The following CLSPN variants were observed in gnomAD, a reference collection of about 807,000 sequenced individuals.
The protein encoded by CLSPN is claspin homolog.
A neutral mutation model predicts 156.3 loss-of-function variants in CLSPN; 85 were observed. The observed-to-expected ratio is 0.54, with a 90% CI of 0.46 to 0.65. The LOEUF is 0.65. CLSPN is among the 30% of genes least tolerant of loss of function. The pLI is 0.00. For synonymous variants in CLSPN, 534 were observed against 542.4 expected, an observed-to-expected ratio of 0.98 and a Z score of 0.22; for missense variants, 1,407 against 1,554.9, an observed-to-expected ratio of 0.90 and a Z score of 1.60.
chr1:35,765,180 C>A (rs201885250), intron 2 of CLSPN, 38 bp downstream of exon 2: 2 of 1,317,532 alleles, frequency 1.5e-6, no homozygotes, highest in Admixed American at 1.7e-5. Context: ...CTGAGGCTCC[C>A]GCAACCTATT....
At chr1:35,766,391 G>A (rs549941616) in intron 1 of CLSPN, among the ~76,000 whole-genome samples, 44 of 151,764 alleles carry the variant, frequency 2.9e-4, no homozygotes, top group African/African-American at 9.7e-4. Context: ...ATGTGTGTAC[G>A]TATGTATATT....
Position 35,769,935 on chromosome 1 carries a change from A to G in CLSPN, c.-65T>C. ...TCTCTGATTCCCTCAGCCGGAGAGC[A>G]GCGGCTCCCGCCGTCTCCAGCCCAG... On this transcript the variant is annotated 5_prime_UTR_variant, in exon 1 of 25. Coordinates refer to ENST00000318121, the MANE Select transcript of CLSPN (RefSeq NM_022111.4). 1.3e-6 allele frequency: 2 copies of G among 1,579,346 alleles called. No individual in the cohort carries two copies. Among genetic ancestry groups the G allele is most frequent in the Non-Finnish European group, 1.7e-6 (2 of 1,156,900 alleles).
At position 35,769,900 on chromosome 1, in the gene CLSPN, G is replaced by A; in HGVS notation, c.-30C>T. On this transcript the variant is annotated 5_prime_UTR_variant, in exon 1 of 25. Coordinates refer to ENST00000318121, the MANE Select transcript of CLSPN (RefSeq NM_022111.4). ...TCTGCCTCCCCTGCGCTCCACTAGG[G>A]ACGGAGCTGTCTCTGATTCCCTCAG... The A allele has an allele frequency of 6.2e-7, 1 of 1,608,024 alleles. No individual in the cohort carries two copies. The highest frequency in any genetic ancestry group is 1.1e-5 in the South Asian group (1 of 90,274).
At chr1:35,758,318 A>G (rs141213159) in intron 8 of CLSPN, among the ~76,000 whole-genome samples, 356 of 152,156 alleles carry the variant, frequency 2.3e-3, no homozygotes, top group African/African-American at 8.3e-3. Flanking sequence ...TGCTAGAATT[A>G]CAGGCATAAG....
At chr1:35,738,274 A>G (rs1021475791) in intron 21 of CLSPN, among the ~76,000 whole-genome samples, 177 bp from the exon 22 acceptor site, 16 of 152,154 alleles carry the variant, frequency 1.1e-4, no homozygotes, top group African/African-American at 3.9e-4. Flanking sequence ...TTAGACAAAC[A>G]TGAAGAGAAC....
chr1:35,747,298 G>A (rs1171948739), intron 14 of CLSPN, among the ~76,000 whole-genome samples: 1 of 151,772 alleles, frequency 6.6e-6, no homozygotes, highest in Non-Finnish European at 1.5e-5. Context: ...CTCCAGCCTG[G>A]GCGACAGAGC....
Position 35,762,413 on chromosome 1 carries a change from G to T in CLSPN, c.813C>A (p.Thr271=). 1 of 1,613,460 alleles carries T rather than the reference G, an allele frequency of 6.2e-7. No homozygotes were observed. Among genetic ancestry groups the T allele is most frequent in the South Asian group, 1.1e-5 (1 of 91,068 alleles). ...CAGGGCTCTACCTCACCTTCCTCGTGGTTCCTTTTGATAACTCACTTCCTT... is the reference window on the plus strand; with the variant it reads ...CAGGGCTCTACCTCACCTTCCTCGTTGTTCCTTTTGATAACTCACTTCCTT... ...FEEGSELSKG[T]TRKERKAARL... is the part of the protein sequence containing the mutation. The change falls in exon 5 of 25, where the codon ACC becomes ACA. Residue 271 remains threonine (T), a synonymous_variant. Coordinates refer to ENST00000318121, the MANE Select transcript of CLSPN (RefSeq NM_022111.4).
At chr1:35,759,913 A>G (rs987794142) in intron 8 of CLSPN, among the ~76,000 whole-genome samples, 4 of 146,832 alleles carry the variant, frequency 2.7e-5, no homozygotes, top group African/African-American at 1.0e-4. Context: ...GGCTCACTGC[A>G]ACCTCTGCCT....
At chr1:35,722,024 A>G (rs1641083477) in intron 24 of CLSPN, among the ~76,000 whole-genome samples, 1 of 151,716 alleles carries the variant, frequency 6.6e-6, no homozygotes, top group African/African-American at 2.4e-5. Context: ...CTGTAATCCC[A>G]GCTATTCAGG....
intron 14 of CLSPN, among the ~76,000 whole-genome samples, chr1:35,747,334 A>T (rs1035849550): frequency 1.3e-4 from 20 of 151,800 alleles, no homozygotes; most frequent in African/African-American, 2.9e-4. Flanking sequence ...AAAAAAAAAT[A>T]AAAAAAAATT....
chr1:35,725,609 C>T (rs1181070602), intron 24 of CLSPN, among the ~76,000 whole-genome samples: 13 of 152,160 alleles, frequency 8.5e-5, no homozygotes, highest in Non-Finnish European at 4.4e-5. Flanking sequence ...CTTTCAAGGC[C>T]TGACAGTTCC....
Position 35,762,084 on chromosome 1 carries a change from A to T in CLSPN, c.823-14T>A, listed in dbSNP as rs1173120130. 1 of 1,559,256 alleles carries T rather than the reference A, an allele frequency of 6.4e-7. No homozygotes were observed. Among genetic ancestry groups the T allele is most frequent in the Non-Finnish European group, 8.8e-7 (1 of 1,130,984 alleles). ...TGCCTTTCTTTCCTTAAAGAAAACAAGAAGTGAGACTACATTAATTATATG... is the reference window on the plus strand; with the variant it reads ...TGCCTTTCTTTCCTTAAAGAAAACATGAAGTGAGACTACATTAATTATATG... On this transcript the variant is annotated splice_polypyrimidine_tract_variant and intron_variant, in intron 5 of 24. Coordinates refer to ENST00000318121, the MANE Select transcript of CLSPN (RefSeq NM_022111.4).
Position 35,749,766 on chromosome 1 carries a change from C to T in CLSPN, c.2074G>A (p.Glu692Lys). The T allele has an allele frequency of 6.2e-7, 1 of 1,613,936 alleles. No homozygotes were observed. Among genetic ancestry groups the T allele is most frequent in the Non-Finnish European group, 8.5e-7 (1 of 1,179,898 alleles). Residue 692 changes from glutamate to lysine, a missense_variant, in exon 11 of 25, where the codon GAA becomes AAA. Transcript: ENST00000318121. ...LSSEEIETKD[E>K]KEMDKENNDG... ...TTATTTTCTTTATCCATTTCTTTTT[C>T]ATCTTTTGTTTCTATTTCTTCACTA...
downstream of CLSPN, among the ~76,000 whole-genome samples, chr1:35,729,223 A>G (rs911393606): frequency 2.6e-5 from 4 of 152,112 alleles, no homozygotes; most frequent in Non-Finnish European, 5.9e-5. Flanking sequence ...CTGCCTCAGC[A>G]CTTTCTACCC....
chr1:35,733,831 G>A lies in CLSPN; in HGVS notation c.*2665C>T, dbSNP rs1184732922. 3.8e-6 allele frequency: 2 copies of A among 530,252 alleles called. No homozygotes were observed. Among genetic ancestry groups the A allele is most frequent in the Non-Finnish European group, 4.8e-6 (2 of 415,076 alleles). 32.8% of individuals were successfully genotyped at this position (530,252 alleles called of 1,614,324 possible). A position where few individuals can be genotyped will look rare whatever the true frequency, so the allele number is the denominator to read the frequency against. On this transcript the variant is annotated 3_prime_UTR_variant, in exon 25 of 25. Coordinates refer to ENST00000318121, the MANE Select transcript of CLSPN (RefSeq NM_022111.4). The stretch of plus-strand genomic sequence containing the variant: ...TGTCTCTACTAAAATAAAATAATTA[G>A]CTGGGCATGGTGGCATATGCCTGTA...
chr1:35,724,739 G>A (rs1011758088), intron 24 of CLSPN, among the ~76,000 whole-genome samples: 1 of 152,184 alleles, frequency 6.6e-6, no homozygotes, highest in Admixed American at 6.5e-5. Context: ...CACAACCCCA[G>A]AGGACCTTTG....
intron 8 of CLSPN, among the ~76,000 whole-genome samples, chr1:35,759,919 T>C (rs1022404957): frequency 6.7e-6 from 1 of 149,546 alleles, no homozygotes; most frequent in African/African-American, 2.5e-5. Flanking sequence ...CTGCAACCTC[T>C]GCCTTCTGGG....
rs1042817482 is a variant in CLSPN at position 35,739,334 on chromosome 1, A to G, written c.3308+31T>C. ...CAGGGCTTGTCTTAAGATGTACCCT[A>G]TTACTCAGAAGGGCTTATTGGGATA... is the stretch of plus-strand genomic sequence containing the variant. On this transcript the variant is annotated intron_variant, in intron 19 of 24. Coordinates refer to ENST00000318121, the MANE Select transcript of CLSPN (RefSeq NM_022111.4). 5 of 1,613,644 alleles carry G rather than the reference A, an allele frequency of 3.1e-6. 1 individual carries two copies. In the Admixed American group the frequency reaches 5.0e-5, roughly 16 times the overall value.
At chr1:35,765,993 TC>T (rs1266793229) in intron 1 of CLSPN, among the ~76,000 whole-genome samples, 12 of 53,272 alleles carry the variant, frequency 2.3e-4, no homozygotes, top group African/African-American at 1.1e-3. Flanking sequence ...TCTCTCTCTC[TC>T]TTTTTTTTTT....
Sources: gnomAD v4.1 joint callset for allele counts (sites outside exome capture counted in the v4.1 genomes callset) on GRCh38, gnomAD v4.1.1 for gene constraint, MANE v1.5 for transcripts, NCBI Gene and HGNC (gene_info 2026-07-23, HGNC 2026-07-21) for gene names.